Variants in EXT1 observed in about 807,000 individuals in gnomAD.
The protein encoded by EXT1 is exostosin glycosyltransferase 1, also known as exostosin-1.
In EXT1, 20 loss-of-function variants were observed where a neutral mutation model predicts 82.5. The ratio of observed to expected loss-of-function variants is 0.24; its 90% CI spans 0.17 to 0.35. The LOEUF is 0.35. EXT1 is among the 10% of genes least tolerant of loss of function. The probability of loss-of-function intolerance (pLI) is 1.00; values close to 1 mark genes in which losing one functional copy is unlikely to be tolerated. For synonymous variants in EXT1, 348 were observed against 350.8 expected, an observed-to-expected ratio of 0.99 and a Z score of 0.09; for missense variants, 757 against 936.5, an observed-to-expected ratio of 0.81 and a Z score of 2.50.
chr8:117,999,279 G>A (rs1815609664), intron 1 of EXT1, among the ~76,000 whole-genome samples: 1 of 152,020 alleles, frequency 6.6e-6, no homozygotes, highest in African/African-American at 2.4e-5. Flanking sequence ...TTTTAAGAGG[G>A]GATGATTCTA....
chr8:117,911,240 A>T (rs1813641691), intron 1 of EXT1, among the ~76,000 whole-genome samples: 1 of 152,208 alleles, frequency 6.6e-6, no homozygotes, highest in Admixed American at 6.5e-5. Context: ...GCAGGAAAAG[A>T]TCATAAATAC....
At chr8:118,070,422 A>G (rs1471719053) in intron 1 of EXT1, among the ~76,000 whole-genome samples, 1 of 152,200 alleles carries the variant, frequency 6.6e-6, no homozygotes, top group African/African-American at 2.4e-5. Flanking sequence ...TTTGGCATAC[A>G]AATATTTTAA....
At chr8:118,016,432 G>A (rs553306498) in intron 1 of EXT1, among the ~76,000 whole-genome samples, 2 of 152,272 alleles carry the variant, frequency 1.3e-5, no homozygotes, top group Admixed American at 1.3e-4. Context: ...CTCCGTTTGT[G>A]GTACTTTGTT....
At chr8:117,831,157 CA>C (rs1379918028) in intron 3 of EXT1, among the ~76,000 whole-genome samples, 3 of 152,140 alleles carry the variant, frequency 2.0e-5, no homozygotes, top group East Asian at 3.9e-4. Flanking sequence ...TGGTCAGGCA[CA>C]GGGGCACAGA....
chr8:117,987,070 C>T (rs1461911833), intron 1 of EXT1, among the ~76,000 whole-genome samples: 2 of 152,154 alleles, frequency 1.3e-5, no homozygotes, highest in African/African-American at 2.4e-5. Context: ...TACTTGAATT[C>T]GTATTCTCCA....
intron 1 of EXT1, among the ~76,000 whole-genome samples, chr8:117,839,725 C>A (rs1812244508): frequency 6.6e-6 from 1 of 152,226 alleles, no homozygotes; most frequent in African/African-American, 2.4e-5. Context: ...CGTGCTTGAT[C>A]CTCTCCTACT....
intron 1 of EXT1, among the ~76,000 whole-genome samples, chr8:117,969,558 A>G (rs770272031): frequency 1.3e-5 from 2 of 152,206 alleles, no homozygotes; most frequent in Non-Finnish European, 2.9e-5. Flanking sequence ...AGCTGTTTCA[A>G]TGTATAATTT....
chr8:118,010,104 C>T (rs917270230), intron 1 of EXT1, among the ~76,000 whole-genome samples: 1 of 152,036 alleles, frequency 6.6e-6, no homozygotes, highest in Non-Finnish European at 1.5e-5. Context: ...TTAGAGTTGG[C>T]AGGATATAAG....
chr8:117,911,162 G>A (rs1177422754), intron 1 of EXT1, among the ~76,000 whole-genome samples: 1 of 152,192 alleles, frequency 6.6e-6, no homozygotes, highest in African/African-American at 2.4e-5. Flanking sequence ...CCTGGCACAC[G>A]GCAAGTTCTT....
chr8:117,826,110 T>C (rs1812004259), intron 4 of EXT1, among the ~76,000 whole-genome samples: 1 of 152,234 alleles, frequency 6.6e-6, no homozygotes. Context: ...CTACAGAGCC[T>C]AGTTTGATTA....
intron 1 of EXT1, among the ~76,000 whole-genome samples, chr8:117,837,955 C>T (rs1460267077): frequency 2.0e-5 from 3 of 151,998 alleles, no homozygotes; most frequent in Non-Finnish European, 2.9e-5. Flanking sequence ...TATTACATTG[C>T]TTTTGCTTTT....
At chr8:118,028,814 C>T (rs936808096) in intron 1 of EXT1, among the ~76,000 whole-genome samples, 2 of 151,808 alleles carry the variant, frequency 1.3e-5, no homozygotes, top group South Asian at 2.1e-4. Context: ...CCCAGCTACT[C>T]GGAAGGCTGA....
chr8:117,967,152 A>T (rs920122120), intron 1 of EXT1, among the ~76,000 whole-genome samples: 2 of 152,244 alleles, frequency 1.3e-5, no homozygotes, highest in African/African-American at 4.8e-5. Context: ...TAATCCTTTG[A>T]AGAATCCAGC....
chr8:118,108,670 T>G (rs565174691), intron 1 of EXT1, among the ~76,000 whole-genome samples: 3 of 152,200 alleles, frequency 2.0e-5, no homozygotes, highest in Non-Finnish European at 4.4e-5. Context: ...ATCTGAGTGC[T>G]TGATACTTTC....
intron 1 of EXT1, among the ~76,000 whole-genome samples, chr8:118,082,804 C>T (rs1292413436): frequency 6.6e-6 from 1 of 152,132 alleles, no homozygotes; most frequent in African/African-American, 2.4e-5. Flanking sequence ...CCCACATGCC[C>T]GGTGAAATCT....
chr8:117,941,767 C>T (rs1469560338), intron 1 of EXT1, among the ~76,000 whole-genome samples: 1 of 152,150 alleles, frequency 6.6e-6, no homozygotes, highest in Non-Finnish European at 1.5e-5. Context: ...TTCAAGTGAC[C>T]ACTCATTTTA....
At chr8:117,993,844 C>A (rs1354413765) in intron 1 of EXT1, among the ~76,000 whole-genome samples, 1 of 152,210 alleles carries the variant, frequency 6.6e-6, no homozygotes, top group Non-Finnish European at 1.5e-5. Context: ...AGTAAAGAAG[C>A]CAAAGTGACA....
chr8:117,900,076 T>C (rs1813413932), intron 1 of EXT1, among the ~76,000 whole-genome samples: 1 of 152,192 alleles, frequency 6.6e-6, no homozygotes, highest in African/African-American at 2.4e-5. Flanking sequence ...GCATGTGTCA[T>C]GGTGGGAAAT....
At chr8:117,845,631 T>C (rs377442144) in intron 1 of EXT1, among the ~76,000 whole-genome samples, 11 of 152,224 alleles carry the variant, frequency 7.2e-5, no homozygotes, top group African/African-American at 2.4e-4. Context: ...TAATTTTTTA[T>C]AGAGACGAGT....
Sources: gnomAD v4.1 joint callset for allele counts (sites outside exome capture counted in the v4.1 genomes callset) on GRCh38, gnomAD v4.1.1 for gene constraint, MANE v1.5 for transcripts, NCBI Gene and HGNC (gene_info 2026-07-23, HGNC 2026-07-21) for gene names.